The following NFYB variants were observed in gnomAD, a reference collection of about 807,000 sequenced individuals.
NFYB encodes CAAT box DNA-binding protein subunit B.
A neutral mutation model predicts 28.0 loss-of-function variants in NFYB; 13 were observed. That is an observed-to-expected ratio of 0.46 (90% CI 0.30 to 0.74). The LOEUF is 0.74. Ranked by LOEUF, NFYB falls within the 30% of genes least tolerant of loss-of-function variation. The pLI is 0.07. For synonymous variants in NFYB, 74 were observed against 75.0 expected (o/e 0.99, Z 0.07); for missense variants, 142 against 247.6 (o/e 0.57, Z 2.86).
intron 3 of NFYB, among the ~76,000 whole-genome samples, chr12:104,127,728 G>T (rs1454302856): frequency 7.4e-6 from 1 of 135,914 alleles, no homozygotes; most frequent in African/African-American, 2.8e-5. Context: ...AGGCTGGAGT[G>T]TGCAGTGGTG....
chr12:104,118,760 C>T lies in NFYB; in HGVS notation c.*977G>A, dbSNP rs1176656474. ...TCTGTTCTCCATTTCATCCACTCAC[C>T]CATGCAAAAGGTCTGTACACGCAAT... is the stretch of plus-strand genomic sequence containing the variant. On this transcript the variant is annotated 3_prime_UTR_variant, in exon 8 of 8. Transcript: ENST00000240055. 6.6e-6 allele frequency: 1 copy of T among 151,956 alleles called. No homozygotes were observed. The highest frequency in any genetic ancestry group is 2.4e-5 in the African/African-American group (1 of 41,346). 9.4% of individuals were successfully genotyped at this position (151,956 alleles called of 1,614,324 possible).
At chr12:104,134,611 TG>T (rs2031040307) in intron 2 of NFYB, among the ~76,000 whole-genome samples, 1 of 152,220 alleles carries the variant, frequency 6.6e-6, no homozygotes, top group Admixed American at 6.5e-5. Flanking sequence ...TCTATACTCT[TG>T]AACCTATTCT....
chr12:104,129,857 G>A (rs913021291), intron 2 of NFYB, among the ~76,000 whole-genome samples: 13 of 152,342 alleles, frequency 8.5e-5, no homozygotes, highest in African/African-American at 3.1e-4. Flanking sequence ...CTGCACTCCA[G>A]CCTCAGTGAC....
intron 1 of NFYB, among the ~76,000 whole-genome samples, chr12:104,136,717 A>G (rs564253212): frequency 1.3e-5 from 2 of 152,332 alleles, no homozygotes; most frequent in African/African-American, 2.4e-5. Context: ...TAGTTGATTC[A>G]GTATATATTT....
At chr12:104,130,645 A>G (rs1030817608) in intron 2 of NFYB, among the ~76,000 whole-genome samples, 5 of 152,228 alleles carry the variant, frequency 3.3e-5, no homozygotes, top group Non-Finnish European at 5.9e-5. Context: ...AAATGTAAAT[A>G]ACAATACCAC....
At chr12:104,137,979 G>GGCGCGGGGCCCGGCCTCGGCCC (rs2031183206) in intron 1 of NFYB, 162 bp downstream of exon 1, 2 of 145,692 alleles carry the variant, frequency 1.4e-5, no homozygotes, top group Non-Finnish European at 3.0e-5. Context: ...CGGCCTCGCA[G>GGCGCGGGGCCCGGCCTCGGCCC]GCGCGGGGCC....
rs1188740845 is a variant in NFYB at position 104,119,187 on chromosome 12, C to T, written c.*550G>A. 2.6e-5 allele frequency: 4 copies of T among 152,286 alleles called. No individual in the cohort carries two copies. The highest frequency in any genetic ancestry group is 5.9e-5 in the Non-Finnish European group (4 of 68,030). The allele number at this position is 152,286 out of a possible 1,614,324, so 9.4% of individuals were successfully genotyped here. On this transcript the variant is annotated 3_prime_UTR_variant, in exon 8 of 8. Transcript: ENST00000240055. The stretch of plus-strand genomic sequence containing the variant: ...TACATTTTTTAAAAAAATGATGCTG[C>T]TTAAACTATTAATGTTTTACCAAAA...
In NFYB at chr12:104,135,497, C is replaced by T; in HGVS notation, c.-44G>A. On this transcript the variant is annotated 5_prime_UTR_variant, in exon 2 of 8. Transcript: ENST00000240055. ...TGTTGTCAGTGGTGCTGAAGAACACCTATCTAAAAAGGTGTCTAATCTTTG... is the reference window on the plus strand; with the variant it reads ...TGTTGTCAGTGGTGCTGAAGAACACTTATCTAAAAAGGTGTCTAATCTTTG... 1 of 1,548,506 alleles carries T rather than the reference C, an allele frequency of 6.5e-7. No individual in the cohort carries two copies. The highest frequency in any genetic ancestry group is 8.7e-7 in the Non-Finnish European group (1 of 1,149,518).
rs2030389051 is a variant in NFYB at position 104,119,615 on chromosome 12, TA to T, written c.*121del. 1.7e-6 allele frequency: 1 copy of T among 599,418 alleles called. No individual in the cohort carries two copies. Among genetic ancestry groups the T allele is most frequent in the South Asian group, 2.9e-5 (1 of 34,594 alleles). The allele number at this position is 599,418 out of a possible 1,614,324, so 37.1% of individuals were successfully genotyped here. On this transcript the variant is annotated 3_prime_UTR_variant, in exon 8 of 8. Coordinates refer to ENST00000240055, the MANE Select transcript of NFYB (RefSeq NM_006166.4). The stretch of plus-strand genomic sequence containing the variant: ...CTCAATTAGTCAAGCATCAGGAAGC[TA>T]CATTACAGCTATTAATATACAAAGA...
intron 2 of NFYB, among the ~76,000 whole-genome samples, chr12:104,130,720 A>T (rs1442968348): frequency 2.6e-5 from 4 of 152,248 alleles, no homozygotes; most frequent in African/African-American, 4.8e-5. Flanking sequence ...TGCTATTTTG[A>T]TCTTAAAATG....
chr12:104,128,359 A>T (rs1220535847), intron 3 of NFYB, 65 bp downstream of exon 3: 4 of 1,151,640 alleles, frequency 3.5e-6, no homozygotes, highest in Non-Finnish European at 5.1e-6. Context: ...ACACCATATT[A>T]ATGAAATGTC....
Position 104,118,801 on chromosome 12 carries a change from T to C in NFYB, c.*936A>G, listed in dbSNP as rs778067702. 3 of 152,166 alleles carry C rather than the reference T, an allele frequency of 2.0e-5. No individual in the cohort carries two copies. The highest frequency in any genetic ancestry group is 4.4e-5 in the Non-Finnish European group (3 of 68,000). 9.4% of individuals were successfully genotyped at this position (152,166 alleles called of 1,614,324 possible). ...TACACGCAATGATGTCTGATGTTTCTTGGTTTCCATAGTGTAACAGGAAAC... is the reference window on the plus strand; with the variant it reads ...TACACGCAATGATGTCTGATGTTTCCTGGTTTCCATAGTGTAACAGGAAAC... On this transcript the variant is annotated 3_prime_UTR_variant, in exon 8 of 8. Coordinates refer to ENST00000240055, the MANE Select transcript of NFYB (RefSeq NM_006166.4).
intron 6 of NFYB, 26 bp from the exon 7 acceptor site, chr12:104,120,505 A>C (rs1457090784): frequency 2.0e-6 from 3 of 1,528,112 alleles, no homozygotes; most frequent in African/African-American, 2.7e-5. Context: ...TTAGTTAAAG[A>C]GGGAAATGAA....
intron 2 of NFYB, chr12:104,131,398 G>T: frequency 5.2e-6 from 1 of 192,852 alleles, no homozygotes; most frequent in Non-Finnish European, 1.1e-5. Context: ...CACGCCTTCT[G>T]TCTTCCTTTC....
intron 5 of NFYB, 142 bp from the exon 6 acceptor site, chr12:104,121,463 C>T: frequency 1.5e-6 from 1 of 667,266 alleles, no homozygotes; most frequent in Non-Finnish European, 2.6e-6. Context: ...TGGTTAATTA[C>T]ATATGAAGAA....
chr12:104,127,663 C>CTTTT lies in NFYB; in HGVS notation c.100+757_100+760dup, dbSNP rs71069719. On this transcript the variant is annotated intron_variant, in intron 3 of 7. Coordinates refer to ENST00000240055, the MANE Select transcript of NFYB (RefSeq NM_006166.4). ...TTCTGATAGGCCAACATAACACTGC[C>CTTTT]TTTTTTTTTTTTTTTTTTTTTGGAG... Among the ~76,000 whole-genome samples the CTTTT allele has an allele frequency of 6.7e-4, 62 of 92,900 alleles. 2 individuals carry two copies. Among genetic ancestry groups the CTTTT allele is most frequent in the Middle Eastern group, 0.011 (1 of 94 alleles). The allele number at this position is 92,900 out of a possible 152,430, so 60.9% of individuals were successfully genotyped here.
At position 104,119,643 on chromosome 12, in the gene NFYB, AC is replaced by A; in HGVS notation, c.*93del. 1.2e-6 allele frequency: 1 copy of A among 839,688 alleles called. No individual in the cohort carries two copies. The highest frequency in any genetic ancestry group is 1.9e-6 in the Non-Finnish European group (1 of 520,928). 52.0% of individuals were successfully genotyped at this position (839,688 alleles called of 1,614,324 possible). A position where few individuals can be genotyped will look rare whatever the true frequency, so the allele number is the denominator to read the frequency against. On this transcript the variant is annotated 3_prime_UTR_variant, in exon 8 of 8. Coordinates refer to ENST00000240055, the MANE Select transcript of NFYB (RefSeq NM_006166.4). ...ATTACAGCTATTAATATACAAAGATACATCTTTTCACCAGTCTTTCCTTCTG... is the reference window on the plus strand; with the variant it reads ...ATTACAGCTATTAATATACAAAGATAATCTTTTCACCAGTCTTTCCTTCTG...
At chr12:104,127,753 T>C (rs1264066784) in intron 3 of NFYB, among the ~76,000 whole-genome samples, 1 of 142,908 alleles carries the variant, frequency 7.0e-6, no homozygotes, top group African/African-American at 2.6e-5. Flanking sequence ...CATGGCTCAC[T>C]GAAGCCTCTA....
rs1001215332 is a variant in NFYB, at chr12:104,119,644, C to T, written c.*93G>A. 5 of 856,738 alleles carry T rather than the reference C, an allele frequency of 5.8e-6. 1 individual carries two copies. The highest frequency in any genetic ancestry group is 3.8e-5 in the South Asian group (2 of 52,834). 53.1% of individuals were successfully genotyped at this position (856,738 alleles called of 1,614,324 possible). On this transcript the variant is annotated 3_prime_UTR_variant, in exon 8 of 8. Coordinates refer to ENST00000240055, the MANE Select transcript of NFYB (RefSeq NM_006166.4). ...TTACAGCTATTAATATACAAAGATA[C>T]ATCTTTTCACCAGTCTTTCCTTCTG...
Sources: gnomAD v4.1 joint callset for allele counts (sites outside exome capture counted in the v4.1 genomes callset) on GRCh38, gnomAD v4.1.1 for gene constraint, MANE v1.5 for transcripts, NCBI Gene and HGNC (gene_info 2026-07-23, HGNC 2026-07-21) for gene names.